OPRM1: variants seen among roughly 807,000 people sequenced by gnomAD.
OPRM1 encodes mu-type opioid receptor.
In OPRM1, 27 loss-of-function variants were observed where a neutral mutation model predicts 31.8. That is an observed-to-expected ratio of 0.85 (90% CI 0.63 to 1.17). The LOEUF is 1.17. OPRM1 is among the 50% of genes most tolerant of loss of function. The pLI is 0.00. For synonymous variants in OPRM1, 196 were observed against 189.9 expected, an observed-to-expected ratio of 1.03 and a Z score of -0.26; for missense variants, 536 against 511.1, an observed-to-expected ratio of 1.05 and a Z score of -0.47.
At chr6:154,166,089 C>T (rs995829495) in intron 3 of OPRM1, among the ~76,000 whole-genome samples, 4 of 152,266 alleles carry the variant, frequency 2.6e-5, no homozygotes, top group African/African-American at 4.8e-5. Context: ...GCAAGCCACA[C>T]CCAGATTCCT....
At chr6:154,194,944 A>G (rs1005566746) in intron 3 of OPRM1, among the ~76,000 whole-genome samples, 1 of 152,068 alleles carries the variant, frequency 6.6e-6, no homozygotes, top group East Asian at 1.9e-4. Context: ...ATGTTCTAGG[A>G]ACAAAATTAA....
At chr6:154,104,169 G>A (rs1562476884) in intron 3 of OPRM1, among the ~76,000 whole-genome samples, 1 of 152,118 alleles carries the variant, frequency 6.6e-6, no homozygotes, top group Non-Finnish European at 1.5e-5. Flanking sequence ...TTGTGTTTAG[G>A]GTAGAGAGAA....
At chr6:154,061,011 G>C (rs1343622885) in intron 1 of OPRM1, among the ~76,000 whole-genome samples, 1 of 152,140 alleles carries the variant, frequency 6.6e-6, no homozygotes, top group East Asian at 1.9e-4. Context: ...TCACTAAAAT[G>C]GGTAGTAAAA....
At chr6:154,075,363 G>A (rs1787641027) in intron 1 of OPRM1, among the ~76,000 whole-genome samples, 1 of 151,988 alleles carries the variant, frequency 6.6e-6, no homozygotes, top group Non-Finnish European at 1.5e-5. Flanking sequence ...AAAAGAACTG[G>A]CATTTTTCAT....
intron 3 of OPRM1, among the ~76,000 whole-genome samples, chr6:154,238,325 G>A (rs1422569569): frequency 1.3e-5 from 2 of 152,042 alleles, no homozygotes; most frequent in South Asian, 2.1e-4. Flanking sequence ...GCGCTGTCTC[G>A]GCTCACTGCA....
intron 3 of OPRM1, among the ~76,000 whole-genome samples, chr6:154,103,848 G>A (rs1025672541): frequency 1.1e-4 from 17 of 152,220 alleles, no homozygotes; most frequent in Middle Eastern, 6.8e-3. Context: ...GGTTTTGGCC[G>A]GCTCCTTTAC....
chr6:154,180,414 A>ATATATTT lies in OPRM1; in HGVS notation c.1165-66278_1165-66277insATATTTT, dbSNP rs1241250621. On this transcript the variant is annotated intron_variant, in intron 3 of 3. Transcript: ENST00000337049. ...TATATATATATATATATATATATAT[A>ATATATTT]TTTTTTTTTTAAACATGATCCTTCT... Among the ~76,000 whole-genome samples, 102 of 65,240 alleles carry ATATATTT rather than the reference A, an allele frequency of 1.6e-3. 1 individual carries two copies. The highest frequency in any genetic ancestry group is 4.2e-3 in the African/African-American group (87 of 20,832). 42.8% of individuals were successfully genotyped at this position (65,240 alleles called of 152,430 possible).
At chr6:154,041,355 T>C (rs1442660248) in intron 1 of OPRM1, among the ~76,000 whole-genome samples, 1 of 152,212 alleles carries the variant, frequency 6.6e-6, no homozygotes, top group Non-Finnish European at 1.5e-5. Context: ...CTTTAAGTAA[T>C]TCAATACAAT....
chr6:154,094,388 A>T, intron 3 of OPRM1: 2 of 433,610 alleles, frequency 4.6e-6, no homozygotes, highest in Non-Finnish European at 9.1e-6. Context: ...CACAGTTAAG[A>T]GCTGCTCAGT....
chr6:154,017,525 G>A (rs534757260), intron 1 of OPRM1, among the ~76,000 whole-genome samples: 13 of 152,234 alleles, frequency 8.5e-5, no homozygotes, highest in Admixed American at 5.9e-4. Context: ...CCTAGTTCAC[G>A]CACCTGGATA....
intron 1 of OPRM1, among the ~76,000 whole-genome samples, chr6:154,014,834 A>C (rs1777917167): frequency 6.6e-6 from 1 of 152,218 alleles, no homozygotes; most frequent in Admixed American, 6.5e-5. Flanking sequence ...GAATTGAATA[A>C]GGCATAGGGT....
At chr6:154,230,872 G>T (rs1436188059) in intron 3 of OPRM1, among the ~76,000 whole-genome samples, 1 of 149,310 alleles carries the variant, frequency 6.7e-6, no homozygotes, top group Non-Finnish European at 1.5e-5. Context: ...TTGAATTCAA[G>T]AAAAAAAAAC....
At chr6:154,083,901 G>T (rs1244907541) in intron 1 of OPRM1, among the ~76,000 whole-genome samples, 3 of 129,252 alleles carry the variant, frequency 2.3e-5, no homozygotes, top group African/African-American at 9.0e-5. Flanking sequence ...CCGAGATCGC[G>T]CCACTGCACT....
At position 154,127,090 on chromosome 6, in the gene OPRM1, C is replaced by T. The variant is rs2128530556; in HGVS notation, c.*8369C>T. Among the ~76,000 whole-genome samples, 1 of 125,744 alleles carries T rather than the reference C, an allele frequency of 8.0e-6. No individual in the cohort carries two copies. Among genetic ancestry groups the T allele is most frequent in the East Asian group, 2.4e-4 (1 of 4,154 alleles). The allele number at this position is 125,744 out of a possible 152,430, so 82.5% of individuals were successfully genotyped here. On this transcript the variant is annotated 3_prime_UTR_variant, in exon 4 of 4. Transcript: ENST00000330432. ...CAGCATTGCACTCCAGCCTGGGCAA[C>T]AGAATGAGATTGTCTCAAAAAAAAA...
At chr6:154,094,034 T>A (rs987172486) in intron 3 of OPRM1, among the ~76,000 whole-genome samples, 1 of 152,212 alleles carries the variant, frequency 6.6e-6, no homozygotes, top group Admixed American at 6.5e-5. Context: ...TCATGACCCA[T>A]CATGTTGGAA....
chr6:154,213,655 G>A (rs556961064), intron 3 of OPRM1, among the ~76,000 whole-genome samples: 4 of 152,238 alleles, frequency 2.6e-5, no homozygotes, highest in South Asian at 4.2e-4. Context: ...CAGTGGCCCT[G>A]GCAGCTAAAT....
chr6:154,010,607 T>G (rs920436770), exon 1 of OPRM1: 21 of 1,526,272 alleles, frequency 1.4e-5, no homozygotes, highest in Admixed American at 2.0e-5. Flanking sequence ...AAGTGTGATC[T>G]GTCACAATAT....
At chr6:154,195,110 C>T (rs567259478) in intron 3 of OPRM1, among the ~76,000 whole-genome samples, 1 of 151,932 alleles carries the variant, frequency 6.6e-6, no homozygotes, top group Admixed American at 6.6e-5. Flanking sequence ...TCTCTTCTTC[C>T]CTGCACTCTA....
chr6:154,225,907 G>A (rs957245926), intron 3 of OPRM1, among the ~76,000 whole-genome samples: 9 of 152,082 alleles, frequency 5.9e-5, no homozygotes, highest in African/African-American at 4.8e-5. Context: ...AACTCCACCC[G>A]CGTTGCTAAA....
Sources: allele counts gnomAD v4.1 joint callset (sites outside exome capture counted in the v4.1 genomes callset), GRCh38; gene constraint gnomAD v4.1.1; transcripts MANE v1.5; gene names NCBI Gene and HGNC (gene_info 2026-07-23, HGNC 2026-07-21).